The following RNF144A variants were observed in gnomAD, a reference collection of about 807,000 sequenced individuals.
RNF144A encodes the protein E3 ubiquitin-protein ligase RNF144A.
In RNF144A, 11 loss-of-function variants were observed where a neutral mutation model predicts 38.7. That is an observed-to-expected ratio of 0.28 (90% CI 0.18 to 0.47). The LOEUF is 0.47. RNF144A is among the 20% of genes least tolerant of loss of function. RNF144A has a pLI of 0.99. For synonymous variants in RNF144A, 149 were observed against 143.9 expected, an observed-to-expected ratio of 1.04 and a Z score of -0.25; for missense variants, 316 against 377.2, an observed-to-expected ratio of 0.84 and a Z score of 1.34.
Position 7,043,776 on chromosome 2 carries a change from C to T in RNF144A, c.*4016C>T, listed in dbSNP as rs1673188668. 1 of 985,746 alleles carries T rather than the reference C, an allele frequency of 1.0e-6. No individual in the cohort carries two copies. 61.1% of individuals were successfully genotyped at this position (985,746 alleles called of 1,614,324 possible). A position where few individuals can be genotyped will look rare whatever the true frequency, so the allele number is the denominator to read the frequency against. On this transcript the variant is annotated 3_prime_UTR_variant, in exon 9 of 9. Transcript: ENST00000320892. ...ATTCTGTCTTCCACAGTTCCGGAGC[C>T]TTCAGTGAGGGGTAGCTACATGCCC... is the stretch of plus-strand genomic sequence containing the variant.
intron 6 of RNF144A, among the ~76,000 whole-genome samples, chr2:7,066,238 C>T (rs13387578): frequency 0.29 from 44,429 of 151,930 alleles, 6,922 homozygotes; most frequent in East Asian, 0.48. Context: ...CAGGCGCCCA[C>T]TATCACGCCC....
intron 2 of RNF144A, among the ~76,000 whole-genome samples, chr2:6,972,492 T>C (rs1879059): frequency 6.6e-6 from 1 of 152,220 alleles, no homozygotes; most frequent in Non-Finnish European, 1.5e-5. Flanking sequence ...CCGGGGGGTT[T>C]GTTCCTTGAG....
chr2:6,954,603 G>C (rs1409733165), intron 2 of RNF144A, among the ~76,000 whole-genome samples: 1 of 152,180 alleles, frequency 6.6e-6, no homozygotes, highest in Non-Finnish European at 1.5e-5. Context: ...GTGGCCCCTT[G>C]GCTCAAAACC....
intron 2 of RNF144A, among the ~76,000 whole-genome samples, chr2:6,975,818 C>T (rs1335964538): frequency 2.0e-5 from 3 of 152,028 alleles, no homozygotes; most frequent in African/African-American, 4.8e-5. Flanking sequence ...AGAGCGAGAC[C>T]CTGTCTCAAA....
intron 2 of RNF144A, among the ~76,000 whole-genome samples, chr2:6,980,996 G>T (rs1484604830): frequency 6.6e-6 from 1 of 152,234 alleles, no homozygotes; most frequent in Non-Finnish European, 1.5e-5. Context: ...TGAAGCAATG[G>T]CCTGAGCTGT....
chr2:7,017,090 C>T (rs1671187320), intron 5 of RNF144A, among the ~76,000 whole-genome samples: 1 of 152,140 alleles, frequency 6.6e-6, no homozygotes, highest in African/African-American at 2.4e-5. Flanking sequence ...GTGTGGATGC[C>T]TCTTGCTGCG....
chr2:7,012,570 A>G (rs544717183), intron 3 of RNF144A, among the ~76,000 whole-genome samples: 3 of 152,188 alleles, frequency 2.0e-5, no homozygotes, highest in Non-Finnish European at 2.9e-5. Flanking sequence ...TGATCTGCCA[A>G]CTGTTCTGCT....
intron 2 of RNF144A, among the ~76,000 whole-genome samples, chr2:6,991,500 T>G (rs1459892432): frequency 2.6e-5 from 4 of 152,138 alleles, no homozygotes; most frequent in Admixed American, 2.6e-4. Flanking sequence ...TCCAAAAGGC[T>G]CCATCTCATT....
chr2:6,940,832 ACTGG>A (rs1665919586), intron 1 of RNF144A, 112 bp from the exon 2 acceptor site: 1 of 152,066 alleles, frequency 6.6e-6, no homozygotes, highest in Non-Finnish European at 1.5e-5. Context: ...CAACTGTCTG[ACTGG>A]ATAAGATTTC....
intron 6 of RNF144A, among the ~76,000 whole-genome samples, chr2:7,053,455 G>T (rs1659163689): frequency 1.3e-5 from 2 of 152,186 alleles, no homozygotes; most frequent in Admixed American, 1.3e-4. Context: ...GTTTTCATCT[G>T]GAGGCTCAAT....
rs1036597591 is a variant in RNF144A at position 6,943,014 on chromosome 2, T to C, written c.-12+1867T>C. 2.0e-5 allele frequency among the ~76,000 whole-genome samples: 3 copies of C among 152,122 alleles called. No homozygotes were observed. Among genetic ancestry groups the C allele is most frequent in the Admixed American group, 1.3e-4 (2 of 15,266 alleles). On this transcript the variant is annotated intron_variant, in intron 2 of 8. Transcript: ENST00000320892. This position sits in a 1 kb window ranked among gnomAD's most constrained non-coding sequence, Gnocchi z 4.3. ...TGAAAAAGAGATTCAAAGTTCAGTT[T>C]TGAACTTGCTGAGTGTGAGAAGATT...
At chr2:6,959,276 C>CAGG (rs1459406060) in intron 2 of RNF144A, among the ~76,000 whole-genome samples, 2 of 152,042 alleles carry the variant, frequency 1.3e-5, no homozygotes, top group African/African-American at 2.4e-5. Context: ...GGGGTATGGC[C>CAGG]AGGAGTCAGA....
intron 2 of RNF144A, among the ~76,000 whole-genome samples, chr2:6,989,938 A>C: frequency 6.6e-6 from 1 of 152,198 alleles, no homozygotes; most frequent in East Asian, 1.9e-4. Context: ...AATTGAACAG[A>C]TAATACAGAG....
At chr2:7,071,344 G>C (rs935681125), downstream of RNF144A, among the ~76,000 whole-genome samples, 1 of 152,188 alleles carries the variant, frequency 6.6e-6, no homozygotes. Flanking sequence ...CCCTAGCATG[G>C]GAGGCACTGC....
intron 3 of RNF144A, among the ~76,000 whole-genome samples, chr2:7,008,462 C>T (rs1330976802): frequency 6.6e-6 from 1 of 152,214 alleles, no homozygotes; most frequent in African/African-American, 2.4e-5. Flanking sequence ...GCCTTCCTGC[C>T]CCGAGTGGGT....
rs376659053 is a variant in RNF144A at position 6,960,879 on chromosome 2, G to GTGCTGGCA, written c.-12+19736_-12+19743dup. Among the ~76,000 whole-genome samples, 369 of 152,306 alleles carry GTGCTGGCA rather than the reference G, an allele frequency of 2.4e-3. 3 individuals are homozygous for GTGCTGGCA. The highest frequency in any genetic ancestry group is 8.5e-3 in the African/African-American group (352 of 41,554). ...CAGCATGAAGGAAGAGCTGAAGAAAGTGCTGGCATGCGCTTACTTTTGAAA... is the reference window on the plus strand; with the variant it reads ...CAGCATGAAGGAAGAGCTGAAGAAAGTGCTGGCATGCTGGCATGCGCTTACTTTTGAAA... On this transcript the variant is annotated intron_variant, in intron 2 of 8. Transcript: ENST00000320892.
chr2:6,997,039 G>A lies in RNF144A; in HGVS notation c.113G>A (p.Cys38Tyr). 1 of 1,614,172 alleles carries A rather than the reference G, an allele frequency of 6.2e-7. No individual in the cohort carries two copies. ...GAGCAGATGACAACCATAGCCCAGTGCCAATGCATCTTCTGTACTCTGGTT... is the reference window on the plus strand; with the variant it reads ...GAGCAGATGACAACCATAGCCCAGTACCAATGCATCTTCTGTACTCTGGTT... ...PVEQMTTIAQCQCIFCTLCLK... is the reference protein window; with the variant it reads ...PVEQMTTIAQYQCIFCTLCLK... The change falls in exon 3 of 9, where the codon TGC (cysteine) becomes TAC (tyrosine). Residue 38 changes from cysteine to tyrosine, a missense_variant. Cys to Tyr is a radical substitution (Grantham distance 194). Transcript: ENST00000320892.
intron 6 of RNF144A, among the ~76,000 whole-genome samples, chr2:7,052,059 A>G (rs920243097): frequency 5.9e-5 from 9 of 152,196 alleles, no homozygotes; most frequent in African/African-American, 2.2e-4. Flanking sequence ...AAATACCTCC[A>G]AAATGCCCTA....
At chr2:7,053,297 C>T (rs1673599460) in intron 6 of RNF144A, among the ~76,000 whole-genome samples, 1 of 152,170 alleles carries the variant, frequency 6.6e-6, no homozygotes, top group Non-Finnish European at 1.5e-5. Flanking sequence ...CCCCAGGTGA[C>T]CAGGATGCAC....
Sources: allele counts gnomAD v4.1 joint callset (sites outside exome capture counted in the v4.1 genomes callset), GRCh38; gene constraint gnomAD v4.1.1; non-coding constraint Gnocchi (gnomAD v3.1); transcripts MANE v1.5; gene names NCBI Gene and HGNC (gene_info 2026-07-23, HGNC 2026-07-21).